USH2A: variants seen among roughly 807,000 people sequenced by gnomAD.
USH2A encodes the protein Usher syndrome 2A (autosomal recessive, mild).
Under a neutral mutation model 538.9 loss-of-function variants are expected in USH2A, and 443 were observed. That is an observed-to-expected ratio of 0.82 (90% CI 0.76 to 0.89). USH2A has a LOEUF of 0.89. Among genes scored for constraint, USH2A ranks in the 40% least tolerant of loss-of-function variants. The pLI is 0.00. For missense variants in USH2A, 6,633 were observed against 6,324.8 expected (o/e 1.05, Z -1.65); for synonymous variants, 2,413 against 2,273.5 (o/e 1.06, Z -1.75).
chr1:216,156,654 G>C (rs78262073), intron 21 of USH2A, among the ~76,000 whole-genome samples: 1,864 of 152,030 alleles, frequency 0.012, 36 homozygotes, highest in African/African-American at 0.041. Flanking sequence ...ATTTCACTTT[G>C]CAGCTTTAGA....
At chr1:216,116,594 T>C (rs390813) in intron 21 of USH2A, among the ~76,000 whole-genome samples, 64,051 of 152,020 alleles carry the variant, frequency 0.42, 14,164 homozygotes, top group Non-Finnish European at 0.48. Context: ...CCAGACTCCC[T>C]TGGAAAAAAT....
At chr1:216,047,394 G>T (rs1340301506) in intron 31 of USH2A, among the ~76,000 whole-genome samples, 1 of 152,108 alleles carries the variant, frequency 6.6e-6, no homozygotes, top group East Asian at 1.9e-4. Flanking sequence ...TGTAAGAGGG[G>T]ATGATAATCA....
chr1:216,201,997 T>C (rs1572045803), intron 16 of USH2A, among the ~76,000 whole-genome samples: 1 of 152,220 alleles, frequency 6.6e-6, no homozygotes, highest in Non-Finnish European at 1.5e-5. Flanking sequence ...CTGTGGCTCA[T>C]TGTTATTTCA....
At chr1:215,850,388 T>C (rs1180581725) in intron 44 of USH2A, among the ~76,000 whole-genome samples, 1 of 152,148 alleles carries the variant, frequency 6.6e-6, no homozygotes, top group Admixed American at 6.6e-5. Context: ...CCAACATTTT[T>C]CTCTTCTTGT....
intron 13 of USH2A, among the ~76,000 whole-genome samples, chr1:216,233,643 C>T (rs1161331247): frequency 6.6e-6 from 1 of 151,998 alleles, no homozygotes. Flanking sequence ...AAAAAGCCTG[C>T]AGAATTTAGA....
chr1:215,629,110 A>C (rs1033332325), intron 70 of USH2A, 75 bp from the exon 71 acceptor site: 1 of 1,420,796 alleles, frequency 7.0e-7, no homozygotes, highest in Non-Finnish European at 9.9e-7. Context: ...ATTGTGTCTC[A>C]CACATTGTCA....
intron 35 of USH2A, 142 bp downstream of exon 35, chr1:215,992,878 T>C (rs993720725): frequency 5.0e-6 from 7 of 1,388,856 alleles, no homozygotes; most frequent in Non-Finnish European, 7.0e-6. Context: ...TCTCCCCAAC[T>C]AGAGACAATG....
intron 61 of USH2A, among the ~76,000 whole-genome samples, chr1:215,724,934 G>A (rs981905168): frequency 6.6e-6 from 1 of 152,148 alleles, no homozygotes; most frequent in Admixed American, 6.6e-5. Context: ...TCTGAACAAA[G>A]GGAGATAGAC....
chr1:216,336,846 T>C (rs1338941318), intron 4 of USH2A, among the ~76,000 whole-genome samples: 1 of 151,532 alleles, frequency 6.6e-6, no homozygotes, highest in Non-Finnish European at 1.5e-5. Flanking sequence ...GACCTTGACT[T>C]GGGCAAAAAT....
chr1:215,933,265 G>A (rs1666408218), intron 38 of USH2A, among the ~76,000 whole-genome samples: 1 of 151,868 alleles, frequency 6.6e-6, no homozygotes, highest in African/African-American at 2.4e-5. Flanking sequence ...CCTAGCATGT[G>A]TATTGAAGTG....
intron 38 of USH2A, among the ~76,000 whole-genome samples, chr1:215,924,900 G>A (rs1310517277): frequency 6.6e-6 from 1 of 151,970 alleles, no homozygotes; most frequent in Non-Finnish European, 1.5e-5. Context: ...TGGAGAGCTG[G>A]CAGCCCTTTG....
chr1:215,877,653 A>G, intron 43 of USH2A, 105 bp downstream of exon 43: 1 of 1,537,114 alleles, frequency 6.5e-7, no homozygotes, highest in Admixed American at 1.7e-5. Context: ...TTTATTGCAT[A>G]ACTGATAACA....
intron 32 of USH2A, among the ~76,000 whole-genome samples, chr1:216,037,755 G>T (rs1339481818): frequency 6.6e-6 from 1 of 150,878 alleles, no homozygotes; most frequent in African/African-American, 2.4e-5. Flanking sequence ...TGTCATGGGG[G>T]TTTGGTGTAC....
At chr1:215,676,276 T>A (rs986226976) in intron 62 of USH2A, among the ~76,000 whole-genome samples, 1 of 152,338 alleles carries the variant, frequency 6.6e-6, no homozygotes, top group Non-Finnish European at 1.5e-5. Flanking sequence ...TGATTGCTCC[T>A]TTGGGGGCAA....
In USH2A at chr1:216,249,548, A is replaced by G. The variant is rs925754246; in HGVS notation, c.2167+1355T>C. 2.0e-5 allele frequency among the ~76,000 whole-genome samples: 3 copies of G among 152,160 alleles called. No individual in the cohort carries two copies. In the East Asian group the frequency reaches 5.8e-4, roughly 29 times the overall value. ...GAATTCCTTCAGCATCATGGATAGC[A>G]CATACAAATATGTACTTCTCTTTAC... On this transcript the variant is annotated intron_variant, in intron 12 of 71. Transcript: ENST00000307340.
rs150874434 is a variant in USH2A, at chr1:216,287,188, G to T, written c.1971+2092C>A. ...TATTCTACTTCACTAACAAACTAAA[G>T]AAAAAAAGATCACATGATCATAATA... On this transcript the variant is annotated intron_variant, in intron 11 of 71. Coordinates refer to ENST00000307340, the MANE Select transcript of USH2A (RefSeq NM_206933.4). 3.9e-3 allele frequency among the ~76,000 whole-genome samples: 592 copies of T among 151,788 alleles called. 5 individuals are homozygous for T. Among genetic ancestry groups the T allele is most frequent in the African/African-American group, 0.014 (566 of 41,458 alleles).
intron 21 of USH2A, among the ~76,000 whole-genome samples, chr1:216,116,597 G>A (rs1261565928): frequency 2.0e-5 from 3 of 151,980 alleles, no homozygotes; most frequent in Admixed American, 2.0e-4. Flanking sequence ...GACTCCCTTG[G>A]AAAAAATTAG....
At chr1:216,204,976 A>T (rs973747706) in intron 16 of USH2A, among the ~76,000 whole-genome samples, 3 of 152,188 alleles carry the variant, frequency 2.0e-5, no homozygotes, top group Non-Finnish European at 2.9e-5. Context: ...ATGAATACAC[A>T]TTTATTATGT....
Position 215,779,847 on chromosome 1 carries a change from G to C in USH2A, c.10935C>G (p.Val3645=). Reference sequence around the variant, plus strand: ...CCTTTTTTTTTGTTTTCTCACCTGTGACCGTATGCTGTCTCCTGTCAGTGG... The same window carrying C: ...CCTTTTTTTTTGTTTTCTCACCTGTCACCGTATGCTGTCTCCTGTCAGTGG... ...TDTTDRRQHT[V]TGLQPYTNYS... Residue 3645 remains valine (V), a synonymous_variant, in exon 55 of 72, where the codon GTC becomes GTG. Transcript: ENST00000307340. The C allele has an allele frequency of 6.2e-7, 1 of 1,613,746 alleles. No homozygotes were observed. Among genetic ancestry groups the C allele is most frequent in the Non-Finnish European group, 8.5e-7 (1 of 1,179,980 alleles).
Sources: gnomAD v4.1 joint callset for allele counts (sites outside exome capture counted in the v4.1 genomes callset) on GRCh38, gnomAD v4.1.1 for gene constraint, MANE v1.5 for transcripts, NCBI Gene and HGNC (gene_info 2026-07-23, HGNC 2026-07-21) for gene names.